Variants in RNF130 observed in about 807,000 individuals in gnomAD.
The protein encoded by RNF130 is E3 ubiquitin-protein ligase RNF130.
RNF130 carries 21 observed loss-of-function variants against 44.6 expected under a neutral mutation model. The ratio of observed to expected loss-of-function variants is 0.47; its 90% CI spans 0.33 to 0.68. The LOEUF is 0.68. Ranked by LOEUF, RNF130 falls within the 30% of genes least tolerant of loss-of-function variation. The probability of loss-of-function intolerance (pLI) is 0.02; values close to 1 mark genes in which losing one functional copy is unlikely to be tolerated. For missense variants in RNF130, 479 were observed against 560.6 expected (o/e 0.85, Z 1.47); for synonymous variants, 214 against 210.4 (o/e 1.02, Z -0.15).
rs774759688 is a variant in RNF130, at chr5:180,071,579, T to C, written c.124A>G (p.Thr42Ala). 1.3e-6 allele frequency: 2 copies of C among 1,489,192 alleles called. No homozygotes were observed. The highest frequency in any genetic ancestry group is 1.8e-6 in the Non-Finnish European group (2 of 1,115,460). 92.2% of individuals were successfully genotyped at this position (1,489,192 alleles called of 1,614,324 possible). Reference sequence around the variant, plus strand: ...GCGCCGCGGCCGGGCTCCTGCACCGTCACGTTGATGAGCGCCGTGTAGTAC... The same window carrying C: ...GCGCCGCGGCCGGGCTCCTGCACCGCCACGTTGATGAGCGCCGTGTAGTAC... ...QEYYTALINV[T>A]VQEPGRGAPL... The change falls in exon 1 of 9, where the codon ACG (threonine) becomes GCG (alanine). Residue 42 changes from threonine (T) to alanine (A), a missense_variant. Thr to Ala is a moderately conservative substitution (Grantham distance 58, BLOSUM62 0). Coordinates refer to ENST00000521389, the MANE Select transcript of RNF130 (RefSeq NM_018434.6).
intron 7 of RNF130, among the ~76,000 whole-genome samples, chr5:179,966,391 T>C (rs894014663): frequency 2.0e-5 from 3 of 152,168 alleles, no homozygotes; most frequent in African/African-American, 7.2e-5. Context: ...AAGTTCTAGA[T>C]GAGTTTCCCA....
chr5:179,926,046 C>T (rs899220159), intron 7 of RNF130, among the ~76,000 whole-genome samples: 1 of 152,284 alleles, frequency 6.6e-6, no homozygotes, highest in Admixed American at 6.5e-5. Context: ...TGACGCTACC[C>T]ATACGATAAG....
intron 3 of RNF130, among the ~76,000 whole-genome samples, chr5:180,005,432 A>AG (rs1334027671): frequency 2.1e-5 from 3 of 145,300 alleles, no homozygotes; most frequent in Non-Finnish European, 4.6e-5. Flanking sequence ...CTGTCTCAGA[A>AG]AAACAACAAC....
intron 5 of RNF130, among the ~76,000 whole-genome samples, chr5:179,974,399 C>T (rs1249429991): frequency 6.6e-6 from 1 of 152,238 alleles, no homozygotes; most frequent in Admixed American, 6.5e-5. Flanking sequence ...GACCTGCTGG[C>T]TAACATCCAA....
At chr5:179,916,575 G>C (rs1761548710) in exon 8 of RNF130, 1 of 152,200 alleles carries the variant, frequency 6.6e-6, no homozygotes, top group Non-Finnish European at 1.5e-5. Flanking sequence ...CCGCATCAGG[G>C]AAGCCGGCAG....
rs192096863 is a variant in RNF130, at chr5:180,056,124, T to C, written c.247+15332A>G. 3.0e-3 allele frequency among the ~76,000 whole-genome samples: 447 copies of C among 151,212 alleles called. 4 individuals carry two copies. Among genetic ancestry groups the C allele is most frequent in the Middle Eastern group, 0.014 (4 of 290 alleles). On this transcript the variant is annotated intron_variant, in intron 1 of 8. Coordinates refer to ENST00000521389, the MANE Select transcript of RNF130 (RefSeq NM_018434.6). ...CAAAAACAAAAAAACAAACAAACCA[T>C]CACCACCAATCAGATTTGGAAAAGA...
intron 2 of RNF130, among the ~76,000 whole-genome samples, chr5:180,030,780 G>C (rs952086267): frequency 3.3e-5 from 5 of 152,164 alleles, no homozygotes; most frequent in Admixed American, 2.6e-4. Context: ...CATATAAATG[G>C]AATCATATAA....
intron 3 of RNF130, among the ~76,000 whole-genome samples, chr5:180,007,841 T>C (rs1763497407): frequency 6.6e-6 from 1 of 152,196 alleles, no homozygotes; most frequent in African/African-American, 2.4e-5. Flanking sequence ...GGGACAACCG[T>C]GAGCCTTTGT....
intron 1 of RNF130, among the ~76,000 whole-genome samples, chr5:180,052,146 C>T (rs12516629): frequency 0.11 from 17,228 of 152,176 alleles, 2,132 homozygotes; most frequent in African/African-American, 0.31. Flanking sequence ...CCCAGGCCCT[C>T]TTTTCTCAGT....
exon 8 of RNF130, chr5:179,912,104 T>G (rs1352021390): frequency 1.3e-5 from 2 of 152,234 alleles, no homozygotes; most frequent in African/African-American, 4.8e-5. Flanking sequence ...ACCTGTGCTA[T>G]AGTTAGAAAA....
intron 3 of RNF130, among the ~76,000 whole-genome samples, chr5:180,004,964 T>C (rs1002882748): frequency 1.3e-5 from 2 of 152,172 alleles, no homozygotes; most frequent in Middle Eastern, 3.2e-3. Context: ...CTCTGTTAAC[T>C]CTTTTGCAAG....
chr5:179,937,225 C>G (rs962405117), intron 7 of RNF130, among the ~76,000 whole-genome samples: 1 of 79,902 alleles, frequency 1.3e-5, no homozygotes, highest in African/African-American at 4.5e-5. Context: ...AAACGAAAGA[C>G]TTGTGCTTTG....
At chr5:180,032,662 T>C (rs1764156404) in intron 2 of RNF130, among the ~76,000 whole-genome samples, 1 of 152,256 alleles carries the variant, frequency 6.6e-6, no homozygotes, top group South Asian at 2.1e-4. Context: ...TATTTATTTC[T>C]AGATTCTCAA....
At chr5:179,967,710 T>C (rs1762482569) in intron 6 of RNF130, among the ~76,000 whole-genome samples, 1 of 152,224 alleles carries the variant, frequency 6.6e-6, no homozygotes, top group Non-Finnish European at 1.5e-5. Flanking sequence ...AGGCAGCACA[T>C]GAGAAGCACA....
chr5:180,016,497 C>T (rs1763736940), intron 2 of RNF130, among the ~76,000 whole-genome samples: 1 of 152,262 alleles, frequency 6.6e-6, no homozygotes, highest in East Asian at 1.9e-4. Context: ...TGGGCAAACA[C>T]TGCTAGTAAG....
rs563126661 is a variant in RNF130, at chr5:180,031,370, C to A, written c.442+9083G>T. Among the ~76,000 whole-genome samples the A allele has an allele frequency of 7.2e-5, 11 of 152,188 alleles. No homozygotes were observed. The East Asian group carries it at 2.1e-3, about 29-fold the overall frequency. ...GGCATGGTGGCACGCACCTGTAATC[C>A]CAGCTACTCGGGAAGCTGAGGCAGG... is the stretch of plus-strand genomic sequence containing the variant. On this transcript the variant is annotated intron_variant, in intron 2 of 8. Coordinates refer to ENST00000521389, the MANE Select transcript of RNF130 (RefSeq NM_018434.6).
At chr5:180,032,605 A>G (rs949343213) in intron 2 of RNF130, among the ~76,000 whole-genome samples, 1 of 152,148 alleles carries the variant, frequency 6.6e-6, no homozygotes, top group African/African-American at 2.4e-5. Context: ...TCCTTCCCTC[A>G]CTGAATGATC....
intron 2 of RNF130, among the ~76,000 whole-genome samples, chr5:180,022,948 T>A (rs930698021): frequency 1.3e-5 from 2 of 152,228 alleles, no homozygotes; most frequent in African/African-American, 4.8e-5. Flanking sequence ...GGGAGGAAAG[T>A]GGGCTACAGA....
intron 1 of RNF130, among the ~76,000 whole-genome samples, chr5:180,048,709 A>G (rs992850059): frequency 6.6e-6 from 1 of 152,194 alleles, no homozygotes; most frequent in Non-Finnish European, 1.5e-5. Context: ...TCAGCACCTC[A>G]GCAGTGTCAC....
Sources: allele counts gnomAD v4.1 joint callset (sites outside exome capture counted in the v4.1 genomes callset), GRCh38; gene constraint gnomAD v4.1.1; transcripts MANE v1.5; gene names NCBI Gene and HGNC (gene_info 2026-07-23, HGNC 2026-07-21).